ABCA13: variants seen among roughly 807,000 people sequenced by gnomAD.
ABCA13 encodes the protein ATP binding cassette subfamily A member 13.
Under a neutral mutation model 478.7 loss-of-function variants are expected in ABCA13, and 476 were observed. The observed-to-expected ratio is 0.99, with a 90% CI of 0.92 to 1.07. ABCA13 has a LOEUF of 1.07. ABCA13 is among the 50% of genes least tolerant of loss of function. The probability of loss-of-function intolerance (pLI) is 0.00; values close to 1 mark genes in which losing one functional copy is unlikely to be tolerated. For missense variants in ABCA13, 6,060 were observed against 5,910.6 expected (o/e 1.03, Z -0.83); for synonymous variants, 2,252 against 2,158.9 (o/e 1.04, Z -1.20).
intron 23 of ABCA13, among the ~76,000 whole-genome samples, chr7:48,306,137 G>T (rs1288576071): frequency 1.3e-5 from 2 of 152,208 alleles, no homozygotes; most frequent in African/African-American, 4.8e-5. Context: ...CACAGGAAAG[G>T]AGAGGGAGCA....
chr7:48,357,922 T>C (rs1432348295), intron 31 of ABCA13, among the ~76,000 whole-genome samples: 1 of 151,516 alleles, frequency 6.6e-6, no homozygotes, highest in Non-Finnish European at 1.5e-5. Context: ...GGCGGGCAGA[T>C]CACAAGGTCA....
rs541905058 is a variant in ABCA13 at position 48,636,394 on chromosome 7, A to G, written c.14838-6894A>G. Among the ~76,000 whole-genome samples the G allele has an allele frequency of 1.2e-4, 18 of 152,328 alleles. No individual in the cohort carries two copies. The South Asian group carries it at 3.5e-3, about 30-fold the overall frequency. Reference sequence around the variant, plus strand: ...TTGAAAGGATCCAGAGTAACATGGAAAAGATTCACTGTCTTGATTCACTTT... The same window carrying G: ...TTGAAAGGATCCAGAGTAACATGGAGAAGATTCACTGTCTTGATTCACTTT... On this transcript the variant is annotated intron_variant, in intron 59 of 61. Coordinates refer to ENST00000435803, the MANE Select transcript of ABCA13 (RefSeq NM_152701.5).
chr7:48,469,846 G>A (rs1222194810), intron 44 of ABCA13, among the ~76,000 whole-genome samples: 2 of 152,026 alleles, frequency 1.3e-5, no homozygotes, highest in Non-Finnish European at 2.9e-5. Context: ...CTTGAGCCCA[G>A]GAGGCGGAGG....
At chr7:48,243,936 C>G (rs1791273535) in intron 10 of ABCA13, among the ~76,000 whole-genome samples, 1 of 152,256 alleles carries the variant, frequency 6.6e-6, no homozygotes, top group African/African-American at 2.4e-5. Flanking sequence ...TTCTGCTGCC[C>G]ACAGTGTGGC....
intron 54 of ABCA13, among the ~76,000 whole-genome samples, chr7:48,526,161 T>C (rs1832880550): frequency 1.3e-5 from 2 of 152,084 alleles, no homozygotes; most frequent in South Asian, 4.1e-4. Flanking sequence ...TTTGGTTTTA[T>C]GGTGGCTTTG....
intron 27 of ABCA13, among the ~76,000 whole-genome samples, chr7:48,324,673 A>C (rs571059669): frequency 3.7e-4 from 56 of 152,304 alleles, no homozygotes; most frequent in Admixed American, 9.1e-4. Context: ...AAAAACAAAA[A>C]ATAAGTAGGA....
In ABCA13 at chr7:48,587,329, T is replaced by C. The variant is rs769058055; in HGVS notation, c.14640+41T>C. On this transcript the variant is annotated intron_variant, in intron 57 of 61. Coordinates refer to ENST00000435803, the MANE Select transcript of ABCA13 (RefSeq NM_152701.5). ...TCAATATCTTGGAGTAAGATACATA[T>C]TGCATATTGATTTATAAACTGATTT... is the stretch of plus-strand genomic sequence containing the variant. 7.8e-6 allele frequency: 12 copies of C among 1,542,512 alleles called. No homozygotes were observed. In the Admixed American group the frequency reaches 2.4e-4, roughly 31 times the overall value.
At chr7:48,484,502 C>T (rs183815945) in intron 47 of ABCA13, among the ~76,000 whole-genome samples, 13 of 152,312 alleles carry the variant, frequency 8.5e-5, no homozygotes, top group African/African-American at 2.9e-4. Flanking sequence ...ATTTCCTCTA[C>T]AAATATTCCG....
At chr7:48,463,929 A>T (rs890035319) in intron 43 of ABCA13, among the ~76,000 whole-genome samples, 1 of 151,980 alleles carries the variant, frequency 6.6e-6, no homozygotes, top group Non-Finnish European at 1.5e-5. Context: ...GTGTTTCTCA[A>T]GGTTGGTTTG....
chr7:48,391,108 G>T (rs1444641839), intron 37 of ABCA13, among the ~76,000 whole-genome samples: 1 of 152,206 alleles, frequency 6.6e-6, no homozygotes, highest in Admixed American at 6.5e-5. Context: ...ATGTGAGCTT[G>T]TGGTGGCAGG....
chr7:48,282,570 G>A (rs987612589), intron 19 of ABCA13, among the ~76,000 whole-genome samples: 7 of 152,158 alleles, frequency 4.6e-5, no homozygotes, highest in African/African-American at 1.7e-4. Flanking sequence ...CATCTGAGTA[G>A]GGCTTACTCC....
chr7:48,475,756 G>A (rs751496903), intron 45 of ABCA13, among the ~76,000 whole-genome samples: 4 of 152,070 alleles, frequency 2.6e-5, no homozygotes, highest in Admixed American at 2.0e-4. Flanking sequence ...GAGCCACCAC[G>A]CCCAACCTGT....
chr7:48,515,472 T>C (rs766193745), intron 51 of ABCA13, among the ~76,000 whole-genome samples: 2 of 152,154 alleles, frequency 1.3e-5, no homozygotes, highest in Non-Finnish European at 2.9e-5. Flanking sequence ...ATTTGGGTGG[T>C]ATCTTAGATC....
At chr7:48,443,931 C>T (rs1823953508) in intron 42 of ABCA13, among the ~76,000 whole-genome samples, 1 of 151,948 alleles carries the variant, frequency 6.6e-6, no homozygotes, top group South Asian at 2.1e-4. Context: ...CACCCTCTTT[C>T]CTTCCTGTTA....
At chr7:48,517,345 G>A (rs1342544054) in intron 52 of ABCA13, among the ~76,000 whole-genome samples, 6 of 152,056 alleles carry the variant, frequency 3.9e-5, no homozygotes, top group African/African-American at 1.2e-4. Context: ...ATGATCTGGC[G>A]GGATTCTACC....
chr7:48,179,237 G>C (rs1311583438), intron 1 of ABCA13, among the ~76,000 whole-genome samples: 1 of 152,178 alleles, frequency 6.6e-6, no homozygotes. Flanking sequence ...AGCCTCAAGT[G>C]TTATTTTTAT....
intron 58 of ABCA13, among the ~76,000 whole-genome samples, chr7:48,614,517 C>T (rs1792352581): frequency 1.3e-5 from 2 of 150,996 alleles, no homozygotes; most frequent in Non-Finnish European, 3.0e-5. Context: ...CCATTTGACC[C>T]AGCCATCCCA....
intron 48 of ABCA13, among the ~76,000 whole-genome samples, chr7:48,502,945 T>C (rs1286685267): frequency 6.6e-6 from 1 of 152,224 alleles, no homozygotes; most frequent in East Asian, 1.9e-4. Context: ...TTCATACTCC[T>C]GAAAATTTAA....
rs1795422445 is a variant in ABCA13 at position 48,646,159 on chromosome 7, A to G, written c.*647A>G. On this transcript the variant is annotated 3_prime_UTR_variant, in exon 62 of 62. Transcript: ENST00000435803. ...ACTTTAGCAAAATTAATTAAATTGA[A>G]CTAGTTACTCTGTATCAATTACAGT... The G allele has an allele frequency of 6.6e-6, 1 of 152,316 alleles. No individual in the cohort carries two copies. The allele number at this position is 152,316 out of a possible 1,614,324, so 9.4% of individuals were successfully genotyped here. A position where few individuals can be genotyped will look rare whatever the true frequency, so the allele number is the denominator to read the frequency against.
Sources: allele counts gnomAD v4.1 joint callset (sites outside exome capture counted in the v4.1 genomes callset), GRCh38; gene constraint gnomAD v4.1.1; transcripts MANE v1.5; gene names NCBI Gene and HGNC (gene_info 2026-07-23, HGNC 2026-07-21).